PIRT: variants seen among roughly 807,000 people sequenced by gnomAD.
PIRT encodes the protein phosphoinositide interacting regulator of transient receptor potential channels.
In PIRT, 6 loss-of-function variants were observed where a neutral mutation model predicts 7.9. The observed-to-expected ratio is 0.76, with a 90% confidence interval of 0.42 to 1.51. PIRT has a LOEUF of 1.51. Among genes scored for constraint, PIRT ranks in the 40% most tolerant of loss-of-function variants. The pLI is 0.01. For missense variants in PIRT, 170 were observed against 172.9 expected (o/e 0.98, Z 0.09); for synonymous variants, 78 against 71.8 (o/e 1.09, Z -0.44).
rs11655918 is a variant in PIRT at position 10,823,236 on chromosome 17, A to T, written c.*1996T>A. On this transcript the variant is annotated 3_prime_UTR_variant, in exon 2 of 2. Transcript: ENST00000580256. ...TACAATTAACGACATAGCACTTGCA[A>T]CACTCCCAAGATTGGTCCTGACCAC... The T allele has an allele frequency of 6.6e-6, 1 of 152,144 alleles. No homozygotes were observed. The highest frequency in any genetic ancestry group is 1.5e-5 in the Non-Finnish European group (1 of 68,044). 9.4% of individuals were successfully genotyped at this position (152,144 alleles called of 1,614,324 possible). A position where few individuals can be genotyped will look rare whatever the true frequency, so the allele number is the denominator to read the frequency against.
chr17:10,822,927 T>C lies in PIRT; in HGVS notation c.*2305A>G, dbSNP rs993070168. 2.6e-5 allele frequency: 4 copies of C among 152,194 alleles called. No homozygotes were observed. The highest frequency in any genetic ancestry group is 9.7e-5 in the African/African-American group (4 of 41,450). The allele number at this position is 152,194 out of a possible 1,614,324, so 9.4% of individuals were successfully genotyped here. A position where few individuals can be genotyped will look rare whatever the true frequency, so the allele number is the denominator to read the frequency against. On this transcript the variant is annotated 3_prime_UTR_variant, in exon 2 of 2. Coordinates refer to ENST00000580256, the MANE Select transcript of PIRT (RefSeq NM_001101387.2). ...AAAGTGAGTCCAGAACCTGGACTTCTAGAGTTGTGGTTATCCCTAAACTTC... is the reference window on the plus strand; with the variant it reads ...AAAGTGAGTCCAGAACCTGGACTTCCAGAGTTGTGGTTATCCCTAAACTTC...
chr17:10,825,441 C>T lies in PIRT; in HGVS notation c.205G>A (p.Gly69Ser), dbSNP rs369320166. The T allele has an allele frequency of 2.4e-4, 386 of 1,613,844 alleles. No individual in the cohort carries two copies. Among genetic ancestry groups the T allele is most frequent in the Non-Finnish European group, 3.1e-4 (366 of 1,179,848 alleles). The part of the protein sequence containing the change: ...MSVGGAILLF[G>S]VVITCLAYTL... ...TAGGCCAAGCAGGTGATGACCACGC[C>T]GAAAAGCAGGATGGCACCGCCCACT... The change falls in exon 2 of 2, where the codon GGC (glycine) becomes AGC (serine). Residue 69 changes from glycine to serine, a missense_variant. Transcript: ENST00000580256.
intron 1 of PIRT, among the ~76,000 whole-genome samples, chr17:10,834,124 G>A (rs1451638928): frequency 6.6e-6 from 1 of 151,588 alleles, no homozygotes; most frequent in Non-Finnish European, 1.5e-5. Context: ...AGGCATGTCT[G>A]CAAAAAGACT....
At position 10,825,190 on chromosome 17, in the gene PIRT, T is replaced by A. The variant is rs776213310; in HGVS notation, c.*42A>T. 6.3e-7 allele frequency: 1 copy of A among 1,596,738 alleles called. No individual in the cohort carries two copies. The highest frequency in any genetic ancestry group is 2.2e-5 in the East Asian group (1 of 44,724). On this transcript the variant is annotated 3_prime_UTR_variant, in exon 2 of 2. Transcript: ENST00000580256. ...GGGATGTCGGATGTTGGTCATCAGA[T>A]CTTCTCCCAGTCAAGGTGGCAGGGA...
rs928213125 is a variant in PIRT, at chr17:10,823,848, G to A, written c.*1384C>T. 6.6e-6 allele frequency: 1 copy of A among 152,216 alleles called. No homozygotes were observed. The allele number at this position is 152,216 out of a possible 1,614,324, so 9.4% of individuals were successfully genotyped here. A position where few individuals can be genotyped will look rare whatever the true frequency, so the allele number is the denominator to read the frequency against. On this transcript the variant is annotated 3_prime_UTR_variant, in exon 2 of 2. Transcript: ENST00000580256. The stretch of plus-strand genomic sequence containing the variant: ...AGCTGCGCTAGGCACTTGGTGAAGA[G>A]GTGGGAAGCCGGGAAAGAGAGGGAT...
chr17:10,826,727 G>A (rs188926993), intron 1 of PIRT, among the ~76,000 whole-genome samples: 19 of 152,310 alleles, frequency 1.2e-4, no homozygotes, highest in African/African-American at 4.8e-5. Flanking sequence ...CAGGCTATGC[G>A]TAGTCTGGAG....
rs1321392390 is a variant in PIRT at position 10,827,474 on chromosome 17, T to C, written c.-138-1691A>G. On this transcript the variant is annotated intron_variant, in intron 1 of 1. Transcript: ENST00000580256. The stretch of plus-strand genomic sequence containing the variant: ...TCTTTCTTTTTCTTTTCTTTTTTTT[T>C]TTTTTTTTTTTTTTTTTGAAGTGGA... Among the ~76,000 whole-genome samples the C allele has an allele frequency of 1.1e-3, 138 of 121,372 alleles. 1 individual carries two copies. The highest frequency in any genetic ancestry group is 4.4e-3 in the African/African-American group (119 of 27,136). 79.6% of individuals were successfully genotyped at this position (121,372 alleles called of 152,430 possible).
In PIRT at chr17:10,823,023, T is replaced by C. The variant is rs1597585860; in HGVS notation, c.*2209A>G. The C allele has an allele frequency of 6.6e-6, 1 of 152,168 alleles. No individual in the cohort carries two copies. Among genetic ancestry groups the C allele is most frequent in the Middle Eastern group, 3.4e-3 (1 of 294 alleles). The allele number at this position is 152,168 out of a possible 1,614,324, so 9.4% of individuals were successfully genotyped here. Reference sequence around the variant, plus strand: ...TCATATAGCTGTGCCCAGGCTACAATCTCCTGGGCAGAGGAAATGAGGCAC... The same window carrying C: ...TCATATAGCTGTGCCCAGGCTACAACCTCCTGGGCAGAGGAAATGAGGCAC... On this transcript the variant is annotated 3_prime_UTR_variant, in exon 2 of 2. Coordinates refer to ENST00000580256, the MANE Select transcript of PIRT (RefSeq NM_001101387.2).
At chr17:10,836,417 C>A (rs1905594729) in intron 1 of PIRT, among the ~76,000 whole-genome samples, 1 of 152,180 alleles carries the variant, frequency 6.6e-6, no homozygotes, top group Non-Finnish European at 1.5e-5. Flanking sequence ...AATAAAACTA[C>A]AAGGTGTCCA....
chr17:10,837,341 A>C (rs1905615383), intron 1 of PIRT, among the ~76,000 whole-genome samples: 1 of 152,180 alleles, frequency 6.6e-6, no homozygotes, highest in African/African-American at 2.4e-5. Context: ...CCGTGTTTGC[A>C]TGTGCCTGCC....
intron 1 of PIRT, among the ~76,000 whole-genome samples, chr17:10,833,673 G>A (rs1196352227): frequency 6.6e-6 from 1 of 151,946 alleles, no homozygotes; most frequent in Non-Finnish European, 1.5e-5. Flanking sequence ...AGAATCACTT[G>A]AAACTGGCAG....
chr17:10,828,610 A>G (rs1905388447), intron 1 of PIRT, among the ~76,000 whole-genome samples: 1 of 152,160 alleles, frequency 6.6e-6, no homozygotes, highest in African/African-American at 2.4e-5. Flanking sequence ...GATAAATGTA[A>G]CATGTATCAG....
rs752717861 is a variant in PIRT, at chr17:10,825,514, G to A, written c.132C>T (p.Thr44=). ...GGTAGATTTCCCAGTTACTCCTGGG[G>A]GTGGTGGTCCAGACAGACTCGCTCC... ...SSRSESVWTT[T]PRSNWEIYRK... The change falls in exon 2 of 2, where the codon ACC becomes ACT. Residue 44 remains threonine, a synonymous_variant. Transcript: ENST00000580256. 1.9e-6 allele frequency: 3 copies of A among 1,613,592 alleles called. No homozygotes were observed. The highest frequency in any genetic ancestry group is 2.5e-6 in the Non-Finnish European group (3 of 1,179,726).
chr17:10,825,750 C>A lies in PIRT; in HGVS notation c.-105G>T. The A allele has an allele frequency of 8.7e-7, 1 of 1,150,924 alleles. No individual in the cohort carries two copies. The highest frequency in any genetic ancestry group is 3.3e-5 in the South Asian group (1 of 29,878). The allele number at this position is 1,150,924 out of a possible 1,614,324, so 71.3% of individuals were successfully genotyped here. On this transcript the variant is annotated 5_prime_UTR_variant, in exon 2 of 2. Coordinates refer to ENST00000580256, the MANE Select transcript of PIRT (RefSeq NM_001101387.2). Reference sequence around the variant, plus strand: ...CTGTACTCAGCATCCATCTCTAGCCCCGCTCTCAGTGGAGGGTGAACAAGG... The same window carrying A: ...CTGTACTCAGCATCCATCTCTAGCCACGCTCTCAGTGGAGGGTGAACAAGG...
In PIRT at chr17:10,823,378, C is replaced by T. The variant is rs1905245810; in HGVS notation, c.*1854G>A. On this transcript the variant is annotated 3_prime_UTR_variant, in exon 2 of 2. Coordinates refer to ENST00000580256, the MANE Select transcript of PIRT (RefSeq NM_001101387.2). ...CCATGAGTTCCCCAAACTCTGACTCCGTGGGTGGGTCAGGTAGGGGTGGTC... is the reference window on the plus strand; with the variant it reads ...CCATGAGTTCCCCAAACTCTGACTCTGTGGGTGGGTCAGGTAGGGGTGGTC... 6.6e-6 allele frequency: 1 copy of T among 152,278 alleles called. No individual in the cohort carries two copies. Among genetic ancestry groups the T allele is most frequent in the Admixed American group, 6.5e-5 (1 of 15,278 alleles). The allele number at this position is 152,278 out of a possible 1,614,324, so 9.4% of individuals were successfully genotyped here. A position where few individuals can be genotyped will look rare whatever the true frequency, so the allele number is the denominator to read the frequency against.
At position 10,825,711 on chromosome 17, in the gene PIRT, C is replaced by G. The variant is rs1245724639; in HGVS notation, c.-66G>C. 1 of 1,422,418 alleles carries G rather than the reference C, an allele frequency of 7.0e-7. No individual in the cohort carries two copies. Among genetic ancestry groups the G allele is most frequent in the Admixed American group, 2.9e-5 (1 of 34,594 alleles). 88.1% of individuals were successfully genotyped at this position (1,422,418 alleles called of 1,614,324 possible). On this transcript the variant is annotated 5_prime_UTR_variant, in exon 2 of 2. Coordinates refer to ENST00000580256, the MANE Select transcript of PIRT (RefSeq NM_001101387.2). Reference sequence around the variant, plus strand: ...AAACAAGAGTGGAGCCAAAGGAATCCTCACACACCCTTCCTGTACTCAGCA... The same window carrying G: ...AAACAAGAGTGGAGCCAAAGGAATCGTCACACACCCTTCCTGTACTCAGCA...
Position 10,825,738 on chromosome 17 carries a change from C to A in PIRT, c.-93G>T. ...CACACACCCTTCCTGTACTCAGCAT[C>A]CATCTCTAGCCCCGCTCTCAGTGGA... On this transcript the variant is annotated 5_prime_UTR_variant, in exon 2 of 2. Transcript: ENST00000580256. The A allele has an allele frequency of 7.9e-7, 1 of 1,264,646 alleles. No individual in the cohort carries two copies. The highest frequency in any genetic ancestry group is 1.0e-6 in the Non-Finnish European group (1 of 963,318). The allele number at this position is 1,264,646 out of a possible 1,614,324, so 78.3% of individuals were successfully genotyped here.
At chr17:10,837,479 C>G (rs891704241) in intron 1 of PIRT, among the ~76,000 whole-genome samples, 1 of 152,236 alleles carries the variant, frequency 6.6e-6, no homozygotes, top group Non-Finnish European at 1.5e-5. Context: ...AGGTCTGACA[C>G]AGGGTGCTCA....
At chr17:10,831,557 GGA>G (rs1487335464) in intron 1 of PIRT, among the ~76,000 whole-genome samples, 1 of 152,100 alleles carries the variant, frequency 6.6e-6, no homozygotes, top group Non-Finnish European at 1.5e-5. Context: ...CTCGAGGCTG[GGA>G]GAGAGGCAAG....
Sources: gnomAD v4.1 joint callset for allele counts (sites outside exome capture counted in the v4.1 genomes callset) on GRCh38, gnomAD v4.1.1 for gene constraint, MANE v1.5 for transcripts, NCBI Gene and HGNC (gene_info 2026-07-23, HGNC 2026-07-21) for gene names.